AGMO: variants seen among roughly 807,000 people sequenced by gnomAD.
AGMO encodes glyceryl-ether monooxygenase.
AGMO carries 75 observed loss-of-function variants against 60.2 expected under a neutral mutation model. The observed-to-expected ratio is 1.25, with a 90% CI of 1.03 to 1.51. The LOEUF (loss-of-function observed/expected upper bound fraction) is 1.51, where lower values mean the gene tolerates loss of function less well. Among genes scored for constraint, AGMO ranks in the 40% most tolerant of loss-of-function variants. The pLI is 0.00. For synonymous variants in AGMO, 261 were observed against 177.1 expected (o/e 1.47, Z -3.76); for missense variants, 763 against 525.5 (o/e 1.45, Z -4.42).
intron 3 of AGMO, among the ~76,000 whole-genome samples, chr7:15,544,348 G>C (rs1389435057): frequency 6.6e-6 from 1 of 152,048 alleles, no homozygotes; most frequent in East Asian, 1.9e-4. Context: ...AACACCACTT[G>C]TTGCCCAAAA....
intron 12 of AGMO, among the ~76,000 whole-genome samples, chr7:15,328,139 C>A (rs1781402331): frequency 6.6e-6 from 1 of 151,748 alleles, no homozygotes. Flanking sequence ...TCACTGTCGC[C>A]CAAGCTGGAG....
At chr7:15,328,623 AG>A (rs550907080) in intron 12 of AGMO, among the ~76,000 whole-genome samples, 1 of 152,294 alleles carries the variant, frequency 6.6e-6, no homozygotes, top group South Asian at 2.1e-4. Flanking sequence ...GCAGCCATTA[AG>A]GGTTTCAGAG....
intron 3 of AGMO, among the ~76,000 whole-genome samples, chr7:15,479,448 A>G (rs1314192642): frequency 1.3e-5 from 2 of 152,202 alleles, no homozygotes. Flanking sequence ...TAAGACTAGA[A>G]CTAGGATCTC....
intron 12 of AGMO, among the ~76,000 whole-genome samples, chr7:15,289,300 T>A (rs1181905278): frequency 6.6e-6 from 1 of 150,862 alleles, no homozygotes. Context: ...TTTATAGAAT[T>A]AAATGATAAA....
At chr7:15,514,737 A>G (rs891850905) in intron 3 of AGMO, among the ~76,000 whole-genome samples, 1 of 152,208 alleles carries the variant, frequency 6.6e-6, no homozygotes, top group Non-Finnish European at 1.5e-5. Context: ...TATACTTTGC[A>G]TGAATAATTG....
chr7:15,454,075 GAC>G (rs1781929445), intron 3 of AGMO, among the ~76,000 whole-genome samples: 1 of 149,524 alleles, frequency 6.7e-6, no homozygotes, highest in African/African-American at 2.5e-5. Flanking sequence ...AGAACTTAAT[GAC>G]ACATGTGGAA....
intron 3 of AGMO, among the ~76,000 whole-genome samples, chr7:15,463,625 A>G (rs1380924623): frequency 6.6e-6 from 1 of 152,178 alleles, no homozygotes; most frequent in Admixed American, 6.6e-5. Context: ...CCCCTTCCTC[A>G]AGAAGTACAT....
chr7:15,271,122 T>C (rs940552655), intron 12 of AGMO, among the ~76,000 whole-genome samples: 7 of 152,164 alleles, frequency 4.6e-5, no homozygotes, highest in African/African-American at 1.7e-4. Context: ...AGATTTGTTC[T>C]TTTTGTTTAG....
At chr7:15,398,482 T>C (rs1465553874) in intron 5 of AGMO, among the ~76,000 whole-genome samples, 1 of 152,186 alleles carries the variant, frequency 6.6e-6, no homozygotes, top group African/African-American at 2.4e-5. Context: ...TGATTCATCA[T>C]TCTGACAGCC....
At chr7:15,505,208 G>A (rs945446666) in intron 3 of AGMO, among the ~76,000 whole-genome samples, 1 of 151,916 alleles carries the variant, frequency 6.6e-6, no homozygotes, top group Non-Finnish European at 1.5e-5. Flanking sequence ...TACTCACAAA[G>A]AGAGCTATGA....
rs560410856 is a variant in AGMO at position 15,295,255 on chromosome 7, T to C, written c.1263+70259A>G. Among the ~76,000 whole-genome samples, 6 of 152,088 alleles carry C rather than the reference T, an allele frequency of 3.9e-5. No individual in the cohort carries two copies. The South Asian group carries it at 1.2e-3, about 32-fold the overall frequency. ...AAATATATACTCCTTTAAGAATTAATGGACCAAAAAAGCCTACAAAGAGAA... is the reference window on the plus strand; with the variant it reads ...AAATATATACTCCTTTAAGAATTAACGGACCAAAAAAGCCTACAAAGAGAA... On this transcript the variant is annotated intron_variant, in intron 12 of 12. Transcript: ENST00000342526.
chr7:15,210,108 T>C (rs1781545981), intron 12 of AGMO, among the ~76,000 whole-genome samples: 1 of 152,142 alleles, frequency 6.6e-6, no homozygotes, highest in South Asian at 2.1e-4. Flanking sequence ...GCTCAAATGA[T>C]ACAGAGTATT....
At chr7:15,492,067 G>A (rs1031419101) in intron 3 of AGMO, among the ~76,000 whole-genome samples, 5 of 152,196 alleles carry the variant, frequency 3.3e-5, no homozygotes, top group Admixed American at 6.5e-5. Flanking sequence ...AGCATAGTCA[G>A]GGTGGAGCAT....
At chr7:15,234,435 G>T (rs545507824) in intron 12 of AGMO, among the ~76,000 whole-genome samples, 1 of 152,154 alleles carries the variant, frequency 6.6e-6, no homozygotes, top group South Asian at 2.1e-4. Flanking sequence ...TTGGATACCG[G>T]TCTTGCCTAC....
At chr7:15,302,968 A>G (rs1179143229) in intron 12 of AGMO, among the ~76,000 whole-genome samples, 1 of 152,198 alleles carries the variant, frequency 6.6e-6, no homozygotes, top group Non-Finnish European at 1.5e-5. Context: ...AACCACTGCA[A>G]ACTTGGTTGT....
intron 2 of AGMO, among the ~76,000 whole-genome samples, chr7:15,556,137 C>T (rs919276515): frequency 1.3e-5 from 2 of 151,560 alleles, no homozygotes; most frequent in East Asian, 1.9e-4. Context: ...TATAAAAACC[C>T]AGTATACAAT....
chr7:15,345,255 C>T (rs1023088991), intron 12 of AGMO, among the ~76,000 whole-genome samples: 1 of 152,094 alleles, frequency 6.6e-6, no homozygotes, highest in Admixed American at 6.6e-5. Context: ...TAGTTTTTTT[C>T]TCTTGCTGTT....
chr7:15,394,763 C>T (rs999033994), intron 5 of AGMO, among the ~76,000 whole-genome samples: 3 of 152,214 alleles, frequency 2.0e-5, no homozygotes, highest in Non-Finnish European at 2.9e-5. Context: ...CATCAGTAAT[C>T]TACGGCATTA....
intron 2 of AGMO, among the ~76,000 whole-genome samples, chr7:15,553,301 C>T (rs1248792549): frequency 6.7e-6 from 1 of 149,638 alleles, no homozygotes; most frequent in African/African-American, 2.5e-5. Flanking sequence ...TGCACATGTA[C>T]CCTAAAACTT....
Sources: allele counts gnomAD v4.1 joint callset (sites outside exome capture counted in the v4.1 genomes callset), GRCh38; gene constraint gnomAD v4.1.1; transcripts MANE v1.5; gene names NCBI Gene and HGNC (gene_info 2026-07-23, HGNC 2026-07-21).